The following GALNT18 variants were observed in gnomAD, a reference collection of about 807,000 sequenced individuals.
GALNT18 encodes the protein GalNAc-transferase 18.
GALNT18 carries 44 observed loss-of-function variants against 69.5 expected under a neutral mutation model. That is an observed-to-expected ratio of 0.63 (90% CI 0.50 to 0.81). GALNT18 has a LOEUF of 0.81. Ranked by LOEUF, GALNT18 falls within the 40% of genes least tolerant of loss-of-function variation. GALNT18 has a pLI of 0.00. For synonymous variants in GALNT18, 364 were observed against 318.2 expected (o/e 1.14, Z -1.53); for missense variants, 715 against 810.0 (o/e 0.88, Z 1.42).
intron 6 of GALNT18, among the ~76,000 whole-genome samples, chr11:11,353,926 T>C (rs1249487112): frequency 1.3e-5 from 2 of 152,190 alleles, no homozygotes; most frequent in Non-Finnish European, 2.9e-5. Flanking sequence ...GAGGAATGTC[T>C]GGTGTCTATG....
At chr11:11,316,322 A>G (rs918708947) in intron 9 of GALNT18, among the ~76,000 whole-genome samples, 1 of 152,218 alleles carries the variant, frequency 6.6e-6, no homozygotes, top group Non-Finnish European at 1.5e-5. Context: ...AAGGCCACAG[A>G]GAAGTGGCTA....
rs113464471 is a variant in GALNT18, at chr11:11,385,298, ATT to A, written c.596-6036_596-6035del. Among the ~76,000 whole-genome samples, 32 of 146,274 alleles carry A rather than the reference ATT, an allele frequency of 2.2e-4. 1 individual carries two copies. The highest frequency in any genetic ancestry group is 1.3e-3 in the South Asian group (6 of 4,528). On this transcript the variant is annotated intron_variant, in intron 3 of 10. Coordinates refer to ENST00000227756, the MANE Select transcript of GALNT18 (RefSeq NM_198516.3). ...CCCCACCTCCACTATTGGGGATCAA[ATT>A]TTTTTTTTTTTTTGAGACAGAGTCT...
chr11:11,585,599 G>A (rs1275357001), intron 1 of GALNT18, among the ~76,000 whole-genome samples: 9 of 151,938 alleles, frequency 5.9e-5, no homozygotes, highest in East Asian at 1.9e-4. Context: ...CAGGTGATCC[G>A]CCCACCTTGG....
chr11:11,375,724 G>A (rs537983625), intron 5 of GALNT18, among the ~76,000 whole-genome samples: 101 of 152,316 alleles, frequency 6.6e-4, no homozygotes, highest in African/African-American at 2.3e-3. Context: ...GATCAAATGA[G>A]CCAATGCGTG....
rs1424187839 is a variant in GALNT18, at chr11:11,389,933, A to G, written c.596-10669T>C. ...TGGCTTCTCCTTTTTTGCAAGGCTT[A>G]GAGTTTAGAGTGCTGCCGAACTCAA... is the stretch of plus-strand genomic sequence containing the variant. On this transcript the variant is annotated intron_variant, in intron 3 of 10. Coordinates refer to ENST00000227756, the MANE Select transcript of GALNT18 (RefSeq NM_198516.3). The surrounding 1 kb of genome is among the most constrained non-coding windows in gnomAD (Gnocchi z 4.3). 6.6e-6 allele frequency among the ~76,000 whole-genome samples: 1 copy of G among 152,192 alleles called. No homozygotes were observed. The highest frequency in any genetic ancestry group is 1.5e-5 in the Non-Finnish European group (1 of 68,040).
At chr11:11,381,454 A>G (rs1344526417) in intron 3 of GALNT18, among the ~76,000 whole-genome samples, 1 of 152,130 alleles carries the variant, frequency 6.6e-6, no homozygotes, top group Non-Finnish European at 1.5e-5. Context: ...ACTCCTGCCA[A>G]TACCTACCAT....
rs1853970375 is a variant in GALNT18 at position 11,383,524 on chromosome 11, C to A, written c.596-4260G>T. Among the ~76,000 whole-genome samples, 1 of 152,186 alleles carries A rather than the reference C, an allele frequency of 6.6e-6. No individual in the cohort carries two copies. Among genetic ancestry groups the A allele is most frequent in the African/African-American group, 2.4e-5 (1 of 41,452 alleles). On this transcript the variant is annotated intron_variant, in intron 3 of 10. Transcript: ENST00000227756. This position sits in a 1 kb window ranked among gnomAD's most constrained non-coding sequence, Gnocchi z 5.2. The stretch of plus-strand genomic sequence containing the variant: ...CTTCCTATAGGCTTGCTGTGGAGAA[C>A]CGGGCAGAGTCCTCACCTCTCCCTC...
At chr11:11,393,911 C>A (rs139200629) in intron 3 of GALNT18, among the ~76,000 whole-genome samples, 4 of 152,236 alleles carry the variant, frequency 2.6e-5, no homozygotes, top group African/African-American at 7.2e-5. Context: ...CTCCTTCTCA[C>A]TTCATGTCCT....
intron 1 of GALNT18, among the ~76,000 whole-genome samples, chr11:11,471,272 C>T (rs1333546270): frequency 6.6e-6 from 1 of 152,128 alleles, no homozygotes; most frequent in East Asian, 1.9e-4. Context: ...GGGCTCAGCA[C>T]CTAATAGATG....
chr11:11,394,810 T>G (rs534451710), intron 3 of GALNT18, among the ~76,000 whole-genome samples: 2 of 152,314 alleles, frequency 1.3e-5, no homozygotes, highest in Non-Finnish European at 2.9e-5. Context: ...CCTTCCTGAC[T>G]ACATCCTGGC....
chr11:11,537,435 A>G (rs1857806786), intron 1 of GALNT18, among the ~76,000 whole-genome samples: 1 of 152,214 alleles, frequency 6.6e-6, no homozygotes, highest in African/African-American at 2.4e-5. Context: ...ACAGGCAATC[A>G]TGTTTTATAA....
At chr11:11,388,843 T>A (rs1302442482) in intron 3 of GALNT18, among the ~76,000 whole-genome samples, 1 of 152,258 alleles carries the variant, frequency 6.6e-6, no homozygotes, top group Non-Finnish European at 1.5e-5. Context: ...CTCACCTCGT[T>A]ACCACCCTGC....
At chr11:11,327,403 A>G (rs943491506) in intron 8 of GALNT18, among the ~76,000 whole-genome samples, 11 of 152,234 alleles carry the variant, frequency 7.2e-5, no homozygotes, top group African/African-American at 2.7e-4. Context: ...ACATGTCATT[A>G]AACAGTGAGC....
intron 3 of GALNT18, among the ~76,000 whole-genome samples, chr11:11,408,754 C>T (rs1462029517): frequency 6.6e-6 from 1 of 152,158 alleles, no homozygotes; most frequent in Non-Finnish European, 1.5e-5. Flanking sequence ...AGTCAGTTTC[C>T]ATGGCGTCTG....
chr11:11,572,041 A>G (rs1396251788), intron 1 of GALNT18, among the ~76,000 whole-genome samples: 1 of 152,260 alleles, frequency 6.6e-6, no homozygotes, highest in Non-Finnish European at 1.5e-5. Flanking sequence ...ACTGAAGAGC[A>G]TGATTCAGCA....
At chr11:11,285,589 C>T (rs1171423784) in intron 10 of GALNT18, among the ~76,000 whole-genome samples, 1 of 152,108 alleles carries the variant, frequency 6.6e-6, no homozygotes, top group East Asian at 1.9e-4. Flanking sequence ...CTAAACGAAG[C>T]TTTGTCAGTC....
intron 1 of GALNT18, among the ~76,000 whole-genome samples, chr11:11,474,429 A>T (rs775767776): frequency 1.2e-4 from 18 of 152,160 alleles, no homozygotes; most frequent in Non-Finnish European, 1.9e-4. Context: ...CTTTGTGAGG[A>T]GTGTGGCTCT....
rs913033131 is a variant in GALNT18 at position 11,372,424 on chromosome 11, C to T, written c.1092+91G>A. ...CTGGACATTCAGAATCAGTCTGTGA[C>T]CCTCAACCTTAAACCCCATTTCTCC... On this transcript the variant is annotated intron_variant, in intron 6 of 10. Coordinates refer to ENST00000227756, the MANE Select transcript of GALNT18 (RefSeq NM_198516.3). The surrounding 1 kb of genome is among the most constrained non-coding windows in gnomAD (Gnocchi z 4.9). 6.4e-6 allele frequency: 6 copies of T among 940,716 alleles called. No individual in the cohort carries two copies. Among genetic ancestry groups the T allele is most frequent in the Non-Finnish European group, 1.0e-5 (6 of 584,868 alleles). 58.3% of individuals were successfully genotyped at this position (940,716 alleles called of 1,614,324 possible). A position where few individuals can be genotyped will look rare whatever the true frequency, so the allele number is the denominator to read the frequency against.
At position 11,469,539 on chromosome 11, in the gene GALNT18, G is replaced by A. The variant is rs1856227801; in HGVS notation, c.236-20603C>T. On this transcript the variant is annotated intron_variant, in intron 1 of 10. Transcript: ENST00000227756. This position sits in a 1 kb window ranked among gnomAD's most constrained non-coding sequence, Gnocchi z 4.2. The stretch of plus-strand genomic sequence containing the variant: ...TTCTTCTCTAAACCTCACTGGATCT[G>A]CATCTTGGTGATCAACCTCTGACTT... 6.6e-6 allele frequency among the ~76,000 whole-genome samples: 1 copy of A among 152,176 alleles called. No homozygotes were observed. Among genetic ancestry groups the A allele is most frequent in the Non-Finnish European group, 1.5e-5 (1 of 68,036 alleles).
Sources: allele counts gnomAD v4.1 joint callset (sites outside exome capture counted in the v4.1 genomes callset), GRCh38; gene constraint gnomAD v4.1.1; non-coding constraint Gnocchi (gnomAD v3.1); transcripts MANE v1.5; gene names NCBI Gene and HGNC (gene_info 2026-07-23, HGNC 2026-07-21).